Variants in SNCAIP observed in about 807,000 individuals in gnomAD.
The protein encoded by SNCAIP is synphilin-1.
In SNCAIP, 43 loss-of-function variants were observed where a neutral mutation model predicts 86.7. The ratio of observed to expected loss-of-function variants is 0.50; its 90% CI spans 0.39 to 0.64. The LOEUF (loss-of-function observed/expected upper bound fraction) is 0.64, where lower values mean the gene tolerates loss of function less well. Ranked by LOEUF, SNCAIP falls within the 30% of genes least tolerant of loss-of-function variation. The probability of loss-of-function intolerance (pLI) is 0.00; values close to 1 mark genes in which losing one functional copy is unlikely to be tolerated. For synonymous variants in SNCAIP, 417 were observed against 427.2 expected (o/e 0.98, Z 0.29); for missense variants, 981 against 1,103.1 (o/e 0.89, Z 1.57).
intron 3 of SNCAIP, among the ~76,000 whole-genome samples, chr5:122,416,973 C>T (rs1775438761): frequency 6.6e-6 from 1 of 152,074 alleles, no homozygotes; most frequent in Admixed American, 6.5e-5. Flanking sequence ...AAAATAAAAT[C>T]CATTTAACTT....
intron 7 of SNCAIP, chr5:122,443,987 C>G: frequency 2.3e-6 from 1 of 435,516 alleles, no homozygotes; most frequent in Non-Finnish European, 4.6e-6. Flanking sequence ...TTCTACAAAG[C>G]CTGCTCAATC....
chr5:122,323,170 A>G (rs1473133020), intron 1 of SNCAIP: 1 of 152,230 alleles, frequency 6.6e-6, no homozygotes, highest in Non-Finnish European at 1.5e-5. Flanking sequence ...AAGAGCAGTC[A>G]TATCAAGATG....
At chr5:122,387,203 G>A (rs1768341897) in intron 1 of SNCAIP, among the ~76,000 whole-genome samples, 1 of 152,134 alleles carries the variant, frequency 6.6e-6, no homozygotes, top group Admixed American at 6.5e-5. Flanking sequence ...CTGTCACCCA[G>A]ACTGGAGTGC....
chr5:122,376,102 CTG>C (rs1342444388), intron 1 of SNCAIP, among the ~76,000 whole-genome samples: 1 of 152,084 alleles, frequency 6.6e-6, no homozygotes, highest in Non-Finnish European at 1.5e-5. Flanking sequence ...ACCCAGCAGT[CTG>C]TTTTAATAAG....
chr5:122,451,116 C>T lies in SNCAIP; in HGVS notation c.2269C>T (p.Pro757Ser). 6.2e-7 allele frequency: 1 copy of T among 1,614,154 alleles called. No individual in the cohort carries two copies. Among genetic ancestry groups the T allele is most frequent in the Non-Finnish European group, 8.5e-7 (1 of 1,180,014 alleles). The part of the protein sequence containing the change: ...SPSPTSESSE[P>S]DLESQYPGSG... ...ATCTCCCACCTCAGAGAGCAGCGAA[C>T]CAGACTTAGAATCCCAGTATCCAGG... The change falls in exon 10 of 11, where the codon CCA becomes TCA. Residue 757 changes from proline to serine, a missense_variant. Coordinates refer to ENST00000261368, the MANE Select transcript of SNCAIP (RefSeq NM_005460.4).
At chr5:122,375,471 C>CTTTTTTTT (rs35995238) in intron 1 of SNCAIP, among the ~76,000 whole-genome samples, 1 of 115,612 alleles carries the variant, frequency 8.6e-6, no homozygotes, top group African/African-American at 3.1e-5. Context: ...TAGATTTTTG[C>CTTTTTTTT]TTTTTTTTTT....
Position 122,403,838 on chromosome 5 carries a change from T to C in SNCAIP, c.103T>C (p.Cys35Arg). ...GACGATCCCAGAACTGTGCCGAAGATGTGATACGCAAAACGAAGACAGATC... is the reference window on the plus strand; with the variant it reads ...GACGATCCCAGAACTGTGCCGAAGACGTGATACGCAAAACGAAGACAGATC... ...LKTIPELCRR[C>R]DTQNEDRSVS... The change falls in exon 3 of 11, where the codon TGT becomes CGT. Residue 35 changes from cysteine to arginine, a missense_variant. Cys to Arg is a radical substitution (Grantham distance 180). Transcript: ENST00000261368. 1 of 1,613,936 alleles carries C rather than the reference T, an allele frequency of 6.2e-7. No individual in the cohort carries two copies. The highest frequency in any genetic ancestry group is 2.2e-5 in the East Asian group (1 of 44,878).
chr5:122,440,890 T>C, intron 7 of SNCAIP, 136 bp downstream of exon 7: 1 of 820,882 alleles, frequency 1.2e-6, no homozygotes, highest in South Asian at 1.6e-5. Flanking sequence ...GAATTATTGC[T>C]CTATTTGTGT....
chr5:122,404,108 T>C (rs1023800711), intron 3 of SNCAIP, among the ~76,000 whole-genome samples: 4 of 152,088 alleles, frequency 2.6e-5, no homozygotes, highest in Non-Finnish European at 4.4e-5. Context: ...TAAATAAATA[T>C]GGGAGATCAT....
At chr5:122,359,349 T>TTTATTTATTTATTTA (rs1761742709) in intron 1 of SNCAIP, among the ~76,000 whole-genome samples, 2 of 142,182 alleles carry the variant, frequency 1.4e-5, no homozygotes, top group Non-Finnish European at 3.0e-5. Flanking sequence ...AGATTTTTAT[T>TTTATTTATTTATTTA]TTTATTTATT....
chr5:122,410,816 G>A lies in SNCAIP; in HGVS notation c.130+6951G>A, dbSNP rs547340425. Among the ~76,000 whole-genome samples the A allele has an allele frequency of 8.7e-4, 133 of 152,284 alleles. 1 individual carries two copies. The highest frequency in any genetic ancestry group is 2.6e-3 in the African/African-American group (109 of 41,560). Reference sequence around the variant, plus strand: ...CCAGCCTGGGTGACAGCGAGATTCCGTCTCAAAAAACAAACAAACAAAAAA... The same window carrying A: ...CCAGCCTGGGTGACAGCGAGATTCCATCTCAAAAAACAAACAAACAAAAAA... On this transcript the variant is annotated intron_variant, in intron 3 of 10. Coordinates refer to ENST00000261368, the MANE Select transcript of SNCAIP (RefSeq NM_005460.4).
chr5:122,331,040 A>C (rs1046172598), intron 1 of SNCAIP, among the ~76,000 whole-genome samples: 1 of 152,072 alleles, frequency 6.6e-6, no homozygotes, highest in Non-Finnish European at 1.5e-5. Flanking sequence ...TCCTATGAGA[A>C]TCTAATGCCA....
intron 10 of SNCAIP, 131 bp downstream of exon 10, chr5:122,451,732 G>A: frequency 1.5e-6 from 1 of 679,492 alleles, no homozygotes; most frequent in South Asian, 1.9e-5. Flanking sequence ...GGGATGCATG[G>A]AAAGCCAACT....
At chr5:122,352,399 A>G (rs1348909326) in intron 1 of SNCAIP, among the ~76,000 whole-genome samples, 1 of 152,178 alleles carries the variant, frequency 6.6e-6, no homozygotes, top group Non-Finnish European at 1.5e-5. Context: ...TCCTTTGGCT[A>G]AGTTATCTTC....
intron 9 of SNCAIP, among the ~76,000 whole-genome samples, chr5:122,450,233 A>G (rs1396071902): frequency 1.3e-5 from 2 of 152,174 alleles, no homozygotes; most frequent in African/African-American, 2.4e-5. Flanking sequence ...GGAGATATAT[A>G]TATATAGCTT....
At chr5:122,393,992 T>C (rs1770032580) in intron 2 of SNCAIP, among the ~76,000 whole-genome samples, 1 of 152,168 alleles carries the variant, frequency 6.6e-6, no homozygotes, top group Non-Finnish European at 1.5e-5. Flanking sequence ...TAAGTGGAGA[T>C]TATTCAAATG....
At chr5:122,340,565 G>A (rs1757363002) in intron 1 of SNCAIP, among the ~76,000 whole-genome samples, 1 of 152,150 alleles carries the variant, frequency 6.6e-6, no homozygotes, top group African/African-American at 2.4e-5. Context: ...AAACCATTGA[G>A]TAGTGTCAAT....
intron 10 of SNCAIP, among the ~76,000 whole-genome samples, chr5:122,454,936 C>G (rs746668537): frequency 2.0e-5 from 3 of 152,174 alleles, no homozygotes; most frequent in Non-Finnish European, 4.4e-5. Flanking sequence ...TGGGGCTACT[C>G]AGTTATCTGA....
intron 10 of SNCAIP, among the ~76,000 whole-genome samples, chr5:122,459,322 C>A (rs956616399): frequency 1.3e-5 from 2 of 152,202 alleles, no homozygotes; most frequent in East Asian, 3.9e-4. Flanking sequence ...CTGTGGAAAT[C>A]TGCAATCCAT....
Sources: gnomAD v4.1 joint callset for allele counts (sites outside exome capture counted in the v4.1 genomes callset) on GRCh38, gnomAD v4.1.1 for gene constraint, MANE v1.5 for transcripts, NCBI Gene and HGNC (gene_info 2026-07-23, HGNC 2026-07-21) for gene names.